NRXN3: variants seen among roughly 807,000 people sequenced by gnomAD.
NRXN3 encodes neurexin 3.
NRXN3 carries 32 observed loss-of-function variants against 137.6 expected under a neutral mutation model. That is an observed-to-expected ratio of 0.23 (90% CI 0.18 to 0.31). The LOEUF is 0.31. NRXN3 is among the 10% of genes least tolerant of loss of function. The pLI, the probability that NRXN3 is intolerant of heterozygous loss-of-function variation, is 1.00. For missense variants in NRXN3, 1,574 were observed against 2,062.5 expected (o/e 0.76, Z 4.59); for synonymous variants, 798 against 784.5 (o/e 1.02, Z -0.29).
chr14:78,604,065 C>T (rs964860315), intron 4 of NRXN3, among the ~76,000 whole-genome samples: 2 of 152,158 alleles, frequency 1.3e-5, no homozygotes, highest in East Asian at 1.9e-4. Context: ...GGATGTCTTA[C>T]ACGGAGGCAG....
intron 17 of NRXN3, among the ~76,000 whole-genome samples, chr14:79,669,505 T>A (rs910948226): frequency 2.0e-5 from 3 of 152,162 alleles, no homozygotes; most frequent in African/African-American, 7.2e-5. Flanking sequence ...TGTGAGTTTC[T>A]ATTTCCAAGG....
chr14:78,920,180 G>A (rs747711013), intron 10 of NRXN3, among the ~76,000 whole-genome samples: 3 of 152,088 alleles, frequency 2.0e-5, no homozygotes, highest in Non-Finnish European at 4.4e-5. Flanking sequence ...AGAGACTCAC[G>A]CTGATGGAGC....
intron 10 of NRXN3, among the ~76,000 whole-genome samples, chr14:78,916,524 A>T (rs917911912): frequency 6.6e-6 from 1 of 152,146 alleles, no homozygotes; most frequent in African/African-American, 2.4e-5. Context: ...GAATCCCAAA[A>T]GCCCTTTGTG....
At chr14:79,537,639 G>T (rs1196035186) in intron 16 of NRXN3, among the ~76,000 whole-genome samples, 1 of 152,162 alleles carries the variant, frequency 6.6e-6, no homozygotes, top group East Asian at 1.9e-4. Context: ...TTCTATGGCT[G>T]CATAGTATTC....
chr14:78,968,465 C>G (rs1447229665), intron 14 of NRXN3, 119 bp downstream of exon 14: 1 of 814,254 alleles, frequency 1.2e-6, no homozygotes, highest in Non-Finnish European at 1.9e-6. Context: ...TCATTTGCCA[C>G]GTGACATTGC....
rs1443232247 is a variant in NRXN3 at position 78,216,166 on chromosome 14, A to G, written c.-703-26225A>G. 2.6e-5 allele frequency among the ~76,000 whole-genome samples: 4 copies of G among 152,094 alleles called. No individual in the cohort carries two copies. The South Asian group carries it at 6.3e-4, about 24-fold the overall frequency. ...CTGGATAGAGATTTCCCAAGCAAGTATAAAAGTAATTATATTCAAAGACAG... is the reference window on the plus strand; with the variant it reads ...CTGGATAGAGATTTCCCAAGCAAGTGTAAAAGTAATTATATTCAAAGACAG... On this transcript the variant is annotated intron_variant, in intron 1 of 20. Coordinates refer to ENST00000335750, the MANE Select transcript of NRXN3 (RefSeq NM_001330195.2).
At chr14:78,914,769 G>A (rs906270909) in intron 10 of NRXN3, among the ~76,000 whole-genome samples, 1 of 152,114 alleles carries the variant, frequency 6.6e-6, no homozygotes. Context: ...GAATAACTGG[G>A]AAGAAGAGTG....
At chr14:79,236,297 G>C (rs1428225341) in intron 15 of NRXN3, among the ~76,000 whole-genome samples, 1 of 151,980 alleles carries the variant, frequency 6.6e-6, no homozygotes, top group East Asian at 1.9e-4. Flanking sequence ...TTTATATGGT[G>C]TATATAGGTA....
At chr14:79,026,973 T>TC (rs1568033232) in intron 15 of NRXN3, among the ~76,000 whole-genome samples, 2 of 1,970 alleles carry the variant, frequency 1.0e-3, no homozygotes, top group Non-Finnish European at 1.5e-3. Context: ...TATATATATA[T>TC]ATATATATAT....
chr14:79,091,271 A>C (rs2049122058), intron 15 of NRXN3, among the ~76,000 whole-genome samples: 1 of 152,212 alleles, frequency 6.6e-6, no homozygotes, highest in African/African-American at 2.4e-5. Flanking sequence ...AAGAAAGCTA[A>C]GAGTATTCTA....
intron 4 of NRXN3, among the ~76,000 whole-genome samples, chr14:78,335,153 G>A (rs541885137): frequency 1.3e-5 from 2 of 152,156 alleles, no homozygotes; most frequent in African/African-American, 2.4e-5. Context: ...TCCCTTTTGA[G>A]TTTCAGAAAA....
chr14:79,437,088 C>A (rs546216949), intron 15 of NRXN3, among the ~76,000 whole-genome samples: 1 of 152,238 alleles, frequency 6.6e-6, no homozygotes, highest in South Asian at 2.1e-4. Context: ...GAATCTATCT[C>A]TAGCCTACCT....
At chr14:78,939,001 T>G (rs39894) in intron 10 of NRXN3, among the ~76,000 whole-genome samples, 1,806 of 151,658 alleles carry the variant, frequency 0.012, 39 homozygotes, top group African/African-American at 0.042. Flanking sequence ...GCCCGCCACC[T>G]CGCCCGGCTA....
At chr14:78,193,968 C>T (rs1366880488) in intron 1 of NRXN3, among the ~76,000 whole-genome samples, 4 of 152,086 alleles carry the variant, frequency 2.6e-5, no homozygotes, top group Non-Finnish European at 5.9e-5. Context: ...CCATCCTCTG[C>T]GGCTGGCTGC....
intron 15 of NRXN3, among the ~76,000 whole-genome samples, chr14:79,294,543 T>C (rs550602163): frequency 6.6e-6 from 1 of 152,278 alleles, no homozygotes; most frequent in Non-Finnish European, 1.5e-5. Flanking sequence ...TTTTTTAAGC[T>C]GATGTAATCA....
intron 20 of NRXN3, among the ~76,000 whole-genome samples, chr14:79,853,106 G>A (rs908728651): frequency 2.0e-5 from 3 of 152,148 alleles, no homozygotes; most frequent in Admixed American, 6.5e-5. Context: ...GGATGATGTC[G>A]TTTGGAAAAT....
chr14:79,650,552 C>T (rs1464573227), intron 16 of NRXN3, among the ~76,000 whole-genome samples: 1 of 152,138 alleles, frequency 6.6e-6, no homozygotes, highest in Non-Finnish European at 1.5e-5. Flanking sequence ...AAGTGAACAA[C>T]TAGAATTATA....
chr14:78,736,858 C>G (rs2098543314), intron 8 of NRXN3, among the ~76,000 whole-genome samples: 1 of 152,078 alleles, frequency 6.6e-6, no homozygotes, highest in Non-Finnish European at 1.5e-5. Context: ...TAAAATAGAG[C>G]AAGGGGATGG....
At chr14:79,818,046 GTTTTTTTT>G (rs55815632) in intron 20 of NRXN3, among the ~76,000 whole-genome samples, 12 of 90,320 alleles carry the variant, frequency 1.3e-4, no homozygotes, top group African/African-American at 4.2e-4. Context: ...GTGCACTTGG[GTTTTTTTT>G]TTTTTTTTTT....
Sources: gnomAD v4.1 joint callset for allele counts (sites outside exome capture counted in the v4.1 genomes callset) on GRCh38, gnomAD v4.1.1 for gene constraint, MANE v1.5 for transcripts, NCBI Gene and HGNC (gene_info 2026-07-23, HGNC 2026-07-21) for gene names.